DNAJC15: variants seen among roughly 807,000 people sequenced by gnomAD.
DNAJC15 encodes the protein DnaJ heat shock protein family (Hsp40) member C15, also known as dnaJ homolog subfamily C member 15.
A neutral mutation model predicts 22.4 loss-of-function variants in DNAJC15; 27 were observed. The ratio of observed to expected loss-of-function variants is 1.20; its 90% CI spans 0.89 to 1.66. The LOEUF (loss-of-function observed/expected upper bound fraction) is 1.66. Among genes scored for constraint, DNAJC15 ranks in the 40% most tolerant of loss-of-function variants. The probability of loss-of-function intolerance (pLI) is 0.00; values close to 1 mark genes in which losing one functional copy is unlikely to be tolerated. For missense variants in DNAJC15, 208 were observed against 187.1 expected (o/e 1.11, Z -0.65); for synonymous variants, 79 against 63.2 (o/e 1.25, Z -1.19).
chr13:43,097,420 T>C lies in DNAJC15; in HGVS notation c.383-9758T>C, dbSNP rs1008477180. On this transcript the variant is annotated intron_variant, in intron 5 of 5. Coordinates refer to ENST00000379221, the MANE Select transcript of DNAJC15 (RefSeq NM_013238.3). ...GGAGAGGAAGCCCAAGGCTAAATGATAGAGTGGCTTGCAAGCCATACTACA... is the reference window on the plus strand; with the variant it reads ...GGAGAGGAAGCCCAAGGCTAAATGACAGAGTGGCTTGCAAGCCATACTACA... Among the ~76,000 whole-genome samples the C allele has an allele frequency of 7.9e-5, 12 of 152,136 alleles. 1 individual carries two copies. The highest frequency in any genetic ancestry group is 2.9e-4 in the African/African-American group (12 of 41,426).
At chr13:43,087,446 G>A (rs575563062) in intron 5 of DNAJC15, among the ~76,000 whole-genome samples, 2 of 152,288 alleles carry the variant, frequency 1.3e-5, no homozygotes, top group East Asian at 3.9e-4. Flanking sequence ...AGATTGTTTT[G>A]TTTTCAATGG....
chr13:43,027,104 C>T (rs2040383945), intron 1 of DNAJC15, among the ~76,000 whole-genome samples: 1 of 152,166 alleles, frequency 6.6e-6, no homozygotes, highest in Non-Finnish European at 1.5e-5. Context: ...AGCTGTTTCT[C>T]ATGGAAAAGT....
intron 4 of DNAJC15, among the ~76,000 whole-genome samples, chr13:43,079,418 G>T (rs1269400213): frequency 1.3e-5 from 2 of 152,016 alleles, no homozygotes; most frequent in Non-Finnish European, 2.9e-5. Flanking sequence ...TTTTTAAAAA[G>T]CCAAAACATT....
chr13:43,112,544 T>G lies in DNAJC15; in HGVS notation c.*5296T>G, dbSNP rs994603181. 2.6e-5 allele frequency: 4 copies of G among 152,174 alleles called. No homozygotes were observed. Among genetic ancestry groups the G allele is most frequent in the Non-Finnish European group, 5.9e-5 (4 of 68,024 alleles). 9.4% of individuals were successfully genotyped at this position (152,174 alleles called of 1,614,324 possible). ...TTCAATATGGACATCTAAACTATAA[T>G]GCTAAAAGCCAATAATTAGAATAAG... On this transcript the variant is annotated 3_prime_UTR_variant, in exon 6 of 6. Transcript: ENST00000379221.
intron 1 of DNAJC15, among the ~76,000 whole-genome samples, chr13:43,044,795 C>T (rs1013686410): frequency 1.6e-4 from 25 of 152,100 alleles, no homozygotes; most frequent in Admixed American, 7.2e-4. Context: ...TACCTCCGAA[C>T]TCTATCTAGT....
At chr13:43,096,501 T>A (rs2040740298) in intron 5 of DNAJC15, among the ~76,000 whole-genome samples, 2 of 152,176 alleles carry the variant, frequency 1.3e-5, no homozygotes, top group Non-Finnish European at 2.9e-5. Flanking sequence ...TTGAACAGGA[T>A]CATGAGGTGT....
chr13:43,113,917 A>T lies in DNAJC15; in HGVS notation c.*6669A>T, dbSNP rs1254159932. On this transcript the variant is annotated 3_prime_UTR_variant, in exon 6 of 6. Transcript: ENST00000379221. Reference sequence around the variant, plus strand: ...GCCTTTCCTGGTTAACCCTGCTTGGATCTGAGTTACACTTTGTTTCCTGAC... The same window carrying T: ...GCCTTTCCTGGTTAACCCTGCTTGGTTCTGAGTTACACTTTGTTTCCTGAC... The T allele has an allele frequency of 6.6e-6, 1 of 152,212 alleles. No individual in the cohort carries two copies. Among genetic ancestry groups the T allele is most frequent in the African/African-American group, 2.4e-5 (1 of 41,444 alleles). The allele number at this position is 152,212 out of a possible 1,614,324, so 9.4% of individuals were successfully genotyped here.
intron 5 of DNAJC15, among the ~76,000 whole-genome samples, chr13:43,090,401 G>A (rs1439419170): frequency 3.3e-5 from 5 of 152,110 alleles, no homozygotes; most frequent in Admixed American, 6.5e-5. Context: ...AGTTCATTAC[G>A]TAGGAACTAA....
Position 43,110,417 on chromosome 13 carries a change from G to T in DNAJC15, c.*3169G>T, listed in dbSNP as rs1405392144. On this transcript the variant is annotated 3_prime_UTR_variant, in exon 6 of 6. Coordinates refer to ENST00000379221, the MANE Select transcript of DNAJC15 (RefSeq NM_013238.3). ...AAGGGAGAGGATAGAGAGGACTGAA[G>T]GAATCAGTGCTCATCTTTAATATGC... The T allele has an allele frequency of 6.6e-6, 1 of 152,200 alleles. No homozygotes were observed. Among genetic ancestry groups the T allele is most frequent in the African/African-American group, 2.4e-5 (1 of 41,432 alleles). The allele number at this position is 152,200 out of a possible 1,614,324, so 9.4% of individuals were successfully genotyped here. A position where few individuals can be genotyped will look rare whatever the true frequency, so the allele number is the denominator to read the frequency against.
chr13:43,079,981 T>G (rs898868897), intron 4 of DNAJC15, among the ~76,000 whole-genome samples: 11 of 152,210 alleles, frequency 7.2e-5, no homozygotes, highest in Admixed American at 2.6e-4. Flanking sequence ...TAATCATCTG[T>G]AAAATAGAGA....
At chr13:43,045,650 G>A (rs900164660) in intron 1 of DNAJC15, among the ~76,000 whole-genome samples, 9 of 152,162 alleles carry the variant, frequency 5.9e-5, no homozygotes, top group Non-Finnish European at 1.2e-4. Context: ...ACTAGGTTTA[G>A]GCCATGCAGG....
chr13:43,069,717 A>T (rs2040599949), intron 3 of DNAJC15, among the ~76,000 whole-genome samples: 1 of 152,200 alleles, frequency 6.6e-6, no homozygotes, highest in Non-Finnish European at 1.5e-5. Flanking sequence ...CTTGGTTGAG[A>T]CTTGAGATTG....
chr13:43,087,025 T>C (rs1385705355), intron 5 of DNAJC15, among the ~76,000 whole-genome samples: 1 of 152,212 alleles, frequency 6.6e-6, no homozygotes. Context: ...ACTCCAAATA[T>C]GAGTTTTATT....
intron 5 of DNAJC15, among the ~76,000 whole-genome samples, chr13:43,105,308 TTC>T: frequency 6.6e-6 from 1 of 152,220 alleles, no homozygotes; most frequent in South Asian, 2.1e-4. Flanking sequence ...AAGAAAGCCT[TTC>T]TCTCATTTCA....
chr13:43,077,289 G>C (rs1475600613), intron 3 of DNAJC15, among the ~76,000 whole-genome samples: 1 of 152,168 alleles, frequency 6.6e-6, no homozygotes, highest in Non-Finnish European at 1.5e-5. Context: ...CACAGCTTGG[G>C]TTCTCTGGAA....
intron 1 of DNAJC15, among the ~76,000 whole-genome samples, chr13:43,052,901 C>T (rs1282495490): frequency 6.6e-6 from 1 of 151,976 alleles, no homozygotes; most frequent in African/African-American, 2.4e-5. Context: ...TTAATTAGTT[C>T]CCATCTATTT....
Position 43,063,644 on chromosome 13 carries a change from G to A in DNAJC15, c.109-2042G>A, listed in dbSNP as rs145704214. ...AAATCACTGACTTAGTCTTTTGCCC[G>A]TTTTCTATTTGGTTGTCTTTTTATT... On this transcript the variant is annotated intron_variant, in intron 1 of 5. Coordinates refer to ENST00000379221, the MANE Select transcript of DNAJC15 (RefSeq NM_013238.3). Among the ~76,000 whole-genome samples the A allele has an allele frequency of 1.7e-3, 217 of 127,880 alleles. 6 individuals carry two copies. Among genetic ancestry groups the A allele is most frequent in the Admixed American group, 0.013 (163 of 12,556 alleles). The allele number at this position is 127,880 out of a possible 152,430, so 83.9% of individuals were successfully genotyped here. A position where few individuals can be genotyped will look rare whatever the true frequency, so the allele number is the denominator to read the frequency against.
At chr13:43,079,297 T>G (rs552196866) in intron 4 of DNAJC15, among the ~76,000 whole-genome samples, 1 of 152,208 alleles carries the variant, frequency 6.6e-6, no homozygotes, top group Non-Finnish European at 1.5e-5. Flanking sequence ...GTATGTCATG[T>G]ACAACAAATC....
chr13:43,072,446 CTT>C lies in DNAJC15; in HGVS notation c.234+3444_234+3445del, dbSNP rs201804020. 3.6e-4 allele frequency among the ~76,000 whole-genome samples: 55 copies of C among 152,232 alleles called. 1 individual carries two copies. The East Asian group carries it at 5.2e-3, about 14-fold the overall frequency. ...CTCTATGTCTCTTACCATTTTATCT[CTT>C]ATTTTCCATCTCCTTATCTTTCTTT... On this transcript the variant is annotated intron_variant, in intron 3 of 5. Coordinates refer to ENST00000379221, the MANE Select transcript of DNAJC15 (RefSeq NM_013238.3).
Sources: allele counts gnomAD v4.1 joint callset (sites outside exome capture counted in the v4.1 genomes callset), GRCh38; gene constraint gnomAD v4.1.1; transcripts MANE v1.5; gene names NCBI Gene and HGNC (gene_info 2026-07-23, HGNC 2026-07-21).